Variants in PTDSS1 observed in about 807,000 individuals in gnomAD.
The protein encoded by PTDSS1 is PSS-1.
Under a neutral mutation model 70.5 loss-of-function variants are expected in PTDSS1, and 45 were observed. The observed-to-expected ratio is 0.64, with a 90% CI of 0.50 to 0.82. The LOEUF (loss-of-function observed/expected upper bound fraction) is 0.82. Ranked by LOEUF, PTDSS1 falls within the 40% of genes least tolerant of loss-of-function variation. PTDSS1 has a pLI of 0.00. For missense variants in PTDSS1, 417 were observed against 586.1 expected, an observed-to-expected ratio of 0.71 and a Z score of 2.98; for synonymous variants, 188 against 203.8, an observed-to-expected ratio of 0.92 and a Z score of 0.66.
chr8:96,269,735 T>G (rs1020312964), intron 1 of PTDSS1, among the ~76,000 whole-genome samples: 2 of 152,190 alleles, frequency 1.3e-5, no homozygotes. Context: ...GAAAAACATT[T>G]CCTTCAGGGC....
At chr8:96,264,412 T>G (rs1012833752) in intron 1 of PTDSS1, among the ~76,000 whole-genome samples, 6 of 152,252 alleles carry the variant, frequency 3.9e-5, no homozygotes, top group African/African-American at 1.4e-4. Flanking sequence ...AATTTATATT[T>G]ATTATTGAAC....
At chr8:96,301,644 C>T (rs549413585) in intron 6 of PTDSS1, among the ~76,000 whole-genome samples, 3 of 151,590 alleles carry the variant, frequency 2.0e-5, no homozygotes, top group Non-Finnish European at 4.4e-5. Context: ...CTCAGCCTCC[C>T]GAGTAGCTGG....
chr8:96,281,345 T>A (rs1006526113), intron 2 of PTDSS1, among the ~76,000 whole-genome samples: 1 of 152,198 alleles, frequency 6.6e-6, no homozygotes, highest in Non-Finnish European at 1.5e-5. Flanking sequence ...AGGCTCACAC[T>A]CGCAGGGCGG....
At chr8:96,330,489 A>T in intron 11 of PTDSS1, 1 of 550,116 alleles carries the variant, frequency 1.8e-6, no homozygotes, top group Non-Finnish European at 3.3e-6. Context: ...GTAGACCAAT[A>T]TTTTTGTCTA....
In PTDSS1 at chr8:96,334,904, G is replaced by C. The variant is rs373110033; in HGVS notation, c.*1338G>C. The stretch of plus-strand genomic sequence containing the variant: ...GTTCCCTCATTTCACACAGCACAAA[G>C]GTTCGTTCTGATGTTTCTTCTTCTT... On this transcript the variant is annotated 3_prime_UTR_variant, in exon 13 of 13. Transcript: ENST00000517309. The C allele has an allele frequency of 6.6e-6, 1 of 152,116 alleles. No individual in the cohort carries two copies. Among genetic ancestry groups the C allele is most frequent in the East Asian group, 1.9e-4 (1 of 5,194 alleles). 9.4% of individuals were successfully genotyped at this position (152,116 alleles called of 1,614,324 possible). A position where few individuals can be genotyped will look rare whatever the true frequency, so the allele number is the denominator to read the frequency against.
chr8:96,288,970 T>C (rs1810864197), intron 4 of PTDSS1, among the ~76,000 whole-genome samples: 2 of 151,682 alleles, frequency 1.3e-5, no homozygotes, highest in South Asian at 4.2e-4. Flanking sequence ...AGTCTCGCTC[T>C]GTCACCCAGG....
rs141527577 is a variant in PTDSS1 at position 96,333,845 on chromosome 8, C to T, written c.*279C>T. On this transcript the variant is annotated 3_prime_UTR_variant, in exon 13 of 13. Coordinates refer to ENST00000517309, the MANE Select transcript of PTDSS1 (RefSeq NM_014754.3). ...GGCAGCGCGGTGTGTTGAAGGGAAA[C>T]GGTAGCTATTCATTCACAGTTGCCA... The T allele has an allele frequency of 2.0e-4, 128 of 653,290 alleles. 2 individuals carry two copies. In the African/African-American group the frequency reaches 2.2e-3, roughly 11 times the overall value. The allele number at this position is 653,290 out of a possible 1,614,324, so 40.5% of individuals were successfully genotyped here.
intron 12 of PTDSS1, among the ~76,000 whole-genome samples, chr8:96,331,859 G>A (rs1443542341): frequency 6.6e-6 from 1 of 151,838 alleles, no homozygotes; most frequent in African/African-American, 2.4e-5. Flanking sequence ...GACCAGCATG[G>A]GCAACAGAGC....
intron 9 of PTDSS1, among the ~76,000 whole-genome samples, chr8:96,317,177 TG>T (rs1811306766): frequency 6.6e-6 from 1 of 151,746 alleles, no homozygotes; most frequent in Admixed American, 6.6e-5. Context: ...AGCCTACGGG[TG>T]GCCTTCCAGG....
chr8:96,282,268 C>T (rs1473116082), intron 2 of PTDSS1, among the ~76,000 whole-genome samples: 1 of 152,172 alleles, frequency 6.6e-6, no homozygotes, highest in African/African-American at 2.4e-5. Context: ...GTGAAAATAA[C>T]TTAAAAGATG....
In PTDSS1 at chr8:96,336,376, G is replaced by C. The variant is rs1390042241; in HGVS notation, c.*2810G>C. 6.6e-6 allele frequency: 1 copy of C among 152,006 alleles called. No individual in the cohort carries two copies. The allele number at this position is 152,006 out of a possible 1,614,324, so 9.4% of individuals were successfully genotyped here. The stretch of plus-strand genomic sequence containing the variant: ...CCCTTTGGAATTGGGAGGGTTTTGG[G>C]TAGAATCCTGCACTTACAGAGGCCC... On this transcript the variant is annotated 3_prime_UTR_variant, in exon 13 of 13. Transcript: ENST00000517309.
At chr8:96,330,745 C>T (rs560186363) in intron 11 of PTDSS1, 21 of 442,888 alleles carry the variant, frequency 4.7e-5, no homozygotes, top group South Asian at 3.3e-4. Flanking sequence ...GTCTGGTAGA[C>T]GGTAATATTT....
intron 4 of PTDSS1, 51 bp downstream of exon 4, chr8:96,287,197 G>A (rs756119311): frequency 6.9e-6 from 11 of 1,592,518 alleles, no homozygotes; most frequent in Non-Finnish European, 7.7e-6. Flanking sequence ...TCTTTCTTGG[G>A]TGTAAGAGGT....
intron 9 of PTDSS1, among the ~76,000 whole-genome samples, chr8:96,314,407 G>C (rs1347335930): frequency 7.2e-6 from 1 of 139,480 alleles, no homozygotes; most frequent in Non-Finnish European, 1.5e-5. Flanking sequence ...TAGGGAGAGG[G>C]TGCAAACACA....
chr8:96,284,261 T>C, intron 3 of PTDSS1, 108 bp downstream of exon 3: 2 of 1,061,132 alleles, frequency 1.9e-6, no homozygotes, highest in Non-Finnish European at 2.7e-6. Context: ...AACTTTATTC[T>C]AGCTTTTTGC....
intron 9 of PTDSS1, among the ~76,000 whole-genome samples, chr8:96,310,320 A>C (rs1240397538): frequency 6.6e-6 from 1 of 151,362 alleles, no homozygotes; most frequent in African/African-American, 2.4e-5. Flanking sequence ...GCGCACCACC[A>C]CACCCTACTA....
At chr8:96,306,231 C>T (rs1811122276) in intron 7 of PTDSS1, among the ~76,000 whole-genome samples, 1 of 152,226 alleles carries the variant, frequency 6.6e-6, no homozygotes, top group African/African-American at 2.4e-5. Flanking sequence ...ATCCACCACC[C>T]CTGCCACCTC....
intron 2 of PTDSS1, among the ~76,000 whole-genome samples, chr8:96,283,306 T>C (rs1034729816): frequency 3.3e-5 from 5 of 152,212 alleles, no homozygotes; most frequent in Admixed American, 3.3e-4. Context: ...TCAAAAGGCG[T>C]GGGTAGACCT....
chr8:96,316,560 G>A (rs1448037444), intron 9 of PTDSS1, among the ~76,000 whole-genome samples: 1 of 152,190 alleles, frequency 6.6e-6, no homozygotes, highest in Non-Finnish European at 1.5e-5. Flanking sequence ...GACTACTAGG[G>A]AGGGAGGAAG....
Sources: gnomAD v4.1 joint callset for allele counts (sites outside exome capture counted in the v4.1 genomes callset) on GRCh38, gnomAD v4.1.1 for gene constraint, MANE v1.5 for transcripts, NCBI Gene and HGNC (gene_info 2026-07-23, HGNC 2026-07-21) for gene names.